IL4: variants seen among roughly 807,000 people sequenced by gnomAD.
The protein encoded by IL4 is interleukin 4, also known as interleukin-4.
In IL4, 10 loss-of-function variants were observed where a neutral mutation model predicts 17.4. The ratio of observed to expected loss-of-function variants is 0.57; its 90% CI spans 0.35 to 0.97. The LOEUF is 0.97. Ranked by LOEUF, IL4 falls within the 50% of genes least tolerant of loss-of-function variation. The pLI, the probability that IL4 is intolerant of heterozygous loss-of-function variation, is 0.01. For missense variants in IL4, 174 were observed against 187.7 expected (o/e 0.93, Z 0.43); for synonymous variants, 87 against 79.0 (o/e 1.10, Z -0.54).
At chr5:132,675,833 A>C (rs1015167760) in intron 2 of IL4, among the ~76,000 whole-genome samples, 15 of 148,496 alleles carry the variant, frequency 1.0e-4, no homozygotes, top group African/African-American at 3.5e-4. Context: ...TAGCCACTGC[A>C]CCTGGGCAAC....
At chr5:132,677,956 GT>G (rs1752413785) in intron 2 of IL4, 1 of 152,176 alleles carries the variant, frequency 6.6e-6, no homozygotes, top group Non-Finnish European at 1.5e-5. Flanking sequence ...GGAACGAGGA[GT>G]GACTCTCAGT....
chr5:132,676,810 G>A (rs1009324385), intron 2 of IL4, among the ~76,000 whole-genome samples: 11 of 152,166 alleles, frequency 7.2e-5, no homozygotes, highest in Admixed American at 2.0e-4. Flanking sequence ...CCAGCCTATT[G>A]ATTTTATTTC....
chr5:132,675,612 G>A (rs987617268), intron 2 of IL4, among the ~76,000 whole-genome samples: 3 of 151,128 alleles, frequency 2.0e-5, no homozygotes, highest in Non-Finnish European at 2.9e-5. Context: ...GCAGTGGTGC[G>A]ATTTCAGCTC....
In IL4 at chr5:132,674,488, C is replaced by T; in HGVS notation, c.165C>T (p.Asp55=). Residue 55 remains aspartate, a synonymous_variant, in exon 2 of 4, where the codon GAC becomes GAT. Coordinates refer to ENST00000231449, the MANE Select transcript of IL4 (RefSeq NM_000589.4). ...KTLCTELTVT[D]IFAASKNTTE... ...TGTGCACCGAGTTGACCGTAACAGACATCTTTGCTGCCTCCAAGGTAAGAA... is the reference window on the plus strand; with the variant it reads ...TGTGCACCGAGTTGACCGTAACAGATATCTTTGCTGCCTCCAAGGTAAGAA... 6.2e-7 allele frequency: 1 copy of T among 1,614,088 alleles called. No individual in the cohort carries two copies. The highest frequency in any genetic ancestry group is 8.5e-7 in the Non-Finnish European group (1 of 1,179,940).
At chr5:132,679,937 G>A (rs199761167) in intron 3 of IL4, 47 bp downstream of exon 3, 43 of 1,520,810 alleles carry the variant, frequency 2.8e-5, no homozygotes, top group Middle Eastern at 1.9e-4. Flanking sequence ...GGCTCCTGGT[G>A]GACAGCAGCC....
intron 2 of IL4, among the ~76,000 whole-genome samples, chr5:132,675,925 GTATA>G (rs1554103194): frequency 9.5e-6 from 1 of 105,562 alleles, no homozygotes; most frequent in African/African-American, 3.2e-5. Flanking sequence ...ATATGTGTAT[GTATA>G]TGTGTGTGTG....
Position 132,674,468 on chromosome 5 carries a change from A to G in IL4, c.145A>G (p.Thr49Ala), listed in dbSNP as rs776399159. ...NSLTEQKTLCTELTVTDIFAA... is the reference protein window; with the variant it reads ...NSLTEQKTLCAELTVTDIFAA... ...TTCTGCCTGGACCAAGACTCTGTGC[A>G]CCGAGTTGACCGTAACAGACATCTT... Residue 49 changes from threonine (T) to alanine (A), a missense_variant, in exon 2 of 4, where the codon ACC becomes GCC. By Grantham distance (58) the Thr-to-Ala change is moderately conservative (BLOSUM62 0). Coordinates refer to ENST00000231449, the MANE Select transcript of IL4 (RefSeq NM_000589.4). 1.2e-6 allele frequency: 2 copies of G among 1,614,168 alleles called. No homozygotes were observed. Among genetic ancestry groups the G allele is most frequent in the Non-Finnish European group, 1.7e-6 (2 of 1,179,994 alleles).
chr5:132,679,853 A>C lies in IL4; in HGVS notation c.323A>C (p.Lys108Thr). 6.2e-7 allele frequency: 1 copy of C among 1,613,772 alleles called. No homozygotes were observed. Among genetic ancestry groups the C allele is most frequent in the Non-Finnish European group, 8.5e-7 (1 of 1,179,914 alleles). ...CACAAGCAGCTGATCCGATTCCTGA[A>C]ACGGCTCGACAGGAACCTCTGGGGC... is the stretch of plus-strand genomic sequence containing the variant. Reference protein sequence around the residue: ...HRHKQLIRFLKRLDRNLWGLA... With the variant: ...HRHKQLIRFLTRLDRNLWGLA... The change falls in exon 3 of 4, where the codon AAA (lysine) becomes ACA (threonine). Residue 108 changes from lysine to threonine, a missense_variant. By Grantham distance (78) the Lys-to-Thr change is moderately conservative. Coordinates refer to ENST00000231449, the MANE Select transcript of IL4 (RefSeq NM_000589.4).
rs111838390 is a variant in IL4, at chr5:132,675,895, A to G, written c.183+1389A>G. ...TGTGTGTGTATATATGTGTGTGTGT[A>G]TATATATGTGTGTATGTATATATGT... is the stretch of plus-strand genomic sequence containing the variant. On this transcript the variant is annotated intron_variant, in intron 2 of 3. Coordinates refer to ENST00000231449, the MANE Select transcript of IL4 (RefSeq NM_000589.4). Among the ~76,000 whole-genome samples, 296 of 96,630 alleles carry G rather than the reference A, an allele frequency of 3.1e-3. 2 individuals are homozygous for G. Among genetic ancestry groups the G allele is most frequent in the African/African-American group, 8.4e-3 (268 of 32,076 alleles). 63.4% of individuals were successfully genotyped at this position (96,630 alleles called of 152,430 possible).
chr5:132,674,623 A>T (rs1752345540), intron 2 of IL4, 117 bp downstream of exon 2: 9 of 777,790 alleles, frequency 1.2e-5, no homozygotes, highest in South Asian at 9.7e-5. Context: ...AAGGTGTTAG[A>T]TGTTTTCAAA....
At position 132,679,798 on chromosome 5, in the gene IL4, C is replaced by G; in HGVS notation, c.268C>G (p.Leu90Val). ...CCACCATGAGAAGGACACTCGCTGC[C>G]TGGGTGCGACTGCACAGCAGTTCCA... ...YSHHEKDTRC[L>V]GATAQQFHRH... The change falls in exon 3 of 4, where the codon CTG becomes GTG. Residue 90 changes from leucine (L) to valine (V), a missense_variant. Leu to Val is a conservative substitution (Grantham distance 32). Transcript: ENST00000231449. 3 of 1,614,044 alleles carry G rather than the reference C, an allele frequency of 1.9e-6. No homozygotes were observed. Among genetic ancestry groups the G allele is most frequent in the Non-Finnish European group, 2.5e-6 (3 of 1,179,972 alleles).
rs1406064124 is a variant in IL4 at position 132,682,619 on chromosome 5, ATTTTT to A, written c.*34_*38del. 1 of 1,084,858 alleles carries A rather than the reference ATTTTT, an allele frequency of 9.2e-7. No homozygotes were observed. The highest frequency in any genetic ancestry group is 1.4e-6 in the Non-Finnish European group (1 of 728,940). The allele number at this position is 1,084,858 out of a possible 1,614,324, so 67.2% of individuals were successfully genotyped here. On this transcript the variant is annotated 3_prime_UTR_variant, in exon 4 of 4. Transcript: ENST00000231449. ...TAATTTATGAGTTTTTGATAGCTTT[ATTTTT>A]TAAGTATTTATATATTTATAACTCA... is the stretch of plus-strand genomic sequence containing the variant.
intron 3 of IL4, 32 bp from the exon 4 acceptor site, chr5:132,682,454 C>A: frequency 7.9e-7 from 1 of 1,268,762 alleles, no homozygotes; most frequent in Non-Finnish European, 1.2e-6. Flanking sequence ...AAATGCTTAC[C>A]AATGCAAGCT....
At chr5:132,679,192 C>T (rs1383906921) in intron 2 of IL4, among the ~76,000 whole-genome samples, 1 of 152,190 alleles carries the variant, frequency 6.6e-6, no homozygotes, top group Non-Finnish European at 1.5e-5. Flanking sequence ...GAGTGCTGGC[C>T]AAAGCAGCAG....
intron 2 of IL4, among the ~76,000 whole-genome samples, chr5:132,675,224 C>T (rs1037660252): frequency 3.3e-5 from 5 of 152,238 alleles, no homozygotes; most frequent in Non-Finnish European, 7.3e-5. Flanking sequence ...TTTTCTCTGA[C>T]AAACACATGA....
chr5:132,674,565 G>A, intron 2 of IL4, 59 bp downstream of exon 2: 1 of 1,419,240 alleles, frequency 7.0e-7, no homozygotes, highest in East Asian at 2.3e-5. Context: ...CCAAATGTCT[G>A]AACAAGAAAC....
At chr5:132,675,191 T>C (rs1291304684) in intron 2 of IL4, among the ~76,000 whole-genome samples, 1 of 152,180 alleles carries the variant, frequency 6.6e-6, no homozygotes, top group Non-Finnish European at 1.5e-5. Flanking sequence ...TGGGAGGAGA[T>C]AGATTTGACA....
chr5:132,679,978 C>A, intron 3 of IL4, 88 bp downstream of exon 3: 1 of 1,093,310 alleles, frequency 9.1e-7, no homozygotes, highest in South Asian at 1.6e-5. Flanking sequence ...GGAGCTGCAG[C>A]ACCCTTGGTC....
chr5:132,681,114 A>T (rs974450451), intron 3 of IL4, among the ~76,000 whole-genome samples: 11 of 152,214 alleles, frequency 7.2e-5, no homozygotes, highest in African/African-American at 2.7e-4. Context: ...AGAACTTGCA[A>T]TACAAAAAGG....
Sources: allele counts gnomAD v4.1 joint callset (sites outside exome capture counted in the v4.1 genomes callset), GRCh38; gene constraint gnomAD v4.1.1; transcripts MANE v1.5; gene names NCBI Gene and HGNC (gene_info 2026-07-23, HGNC 2026-07-21).